Variants in NRG4 observed in about 807,000 individuals in gnomAD.
NRG4 encodes neuregulin 4.
NRG4 carries 10 observed loss-of-function variants against 15.0 expected under a neutral mutation model. The ratio of observed to expected loss-of-function variants is 0.67; its 90% confidence interval spans 0.41 to 1.13. The LOEUF (loss-of-function observed/expected upper bound fraction) is 1.13. Among genes scored for constraint, NRG4 ranks in the 50% most tolerant of loss-of-function variants. The pLI is 0.00. For missense variants in NRG4, 139 were observed against 140.2 expected (o/e 0.99, Z 0.04); for synonymous variants, 41 against 50.1 (o/e 0.82, Z 0.77).
chr15:75,993,392 T>TAAAAA (rs60453624), intron 3 of NRG4, among the ~76,000 whole-genome samples: 5 of 72,140 alleles, frequency 6.9e-5, no homozygotes, highest in African/African-American at 2.0e-4. Context: ...GAGGATTCTG[T>TAAAAA]AAAAAAAAAA....
chr15:75,938,306 A>G (rs187806823), downstream of NRG4: 77 of 152,322 alleles, frequency 5.1e-4, no homozygotes, highest in African/African-American at 1.8e-3. Flanking sequence ...AATGAACCAG[A>G]AAACCGTGGG....
chr15:75,941,785 C>T lies in NRG4; in HGVS notation c.*1853G>A, dbSNP rs901720874. 2.6e-5 allele frequency: 4 copies of T among 151,972 alleles called. No individual in the cohort carries two copies. Among genetic ancestry groups the T allele is most frequent in the Admixed American group, 2.0e-4 (3 of 15,260 alleles). The allele number at this position is 151,972 out of a possible 1,614,324, so 9.4% of individuals were successfully genotyped here. A position where few individuals can be genotyped will look rare whatever the true frequency, so the allele number is the denominator to read the frequency against. ...GAATGGGAATTTATTGTTTAAGGGGCACAGAGATTAGTGTGGGATCATGAA... is the reference window on the plus strand; with the variant it reads ...GAATGGGAATTTATTGTTTAAGGGGTACAGAGATTAGTGTGGGATCATGAA... On this transcript the variant is annotated 3_prime_UTR_variant, in exon 6 of 6. Coordinates refer to ENST00000394907, the MANE Select transcript of NRG4 (RefSeq NM_138573.4).
In NRG4 at chr15:76,000,240, T is replaced by G. The variant is rs139431911; in HGVS notation, c.104+8960A>C. On this transcript the variant is annotated intron_variant, in intron 3 of 5. Transcript: ENST00000394907. The stretch of plus-strand genomic sequence containing the variant: ...TTGAAGGGCTTTTAAAAAAAATTGA[T>G]AGATTTGACTGCAGTAAAACCAGAA... Among the ~76,000 whole-genome samples, 29 of 152,182 alleles carry G rather than the reference T, an allele frequency of 1.9e-4. 1 individual carries two copies. The East Asian group carries it at 3.1e-3, about 16-fold the overall frequency.
At chr15:75,988,255 G>T (rs560228669) in intron 3 of NRG4, among the ~76,000 whole-genome samples, 15 of 152,116 alleles carry the variant, frequency 9.9e-5, no homozygotes, top group African/African-American at 3.1e-4. Flanking sequence ...GCGCGATCTC[G>T]GCTCACTGCA....
At chr15:75,998,576 A>G (rs2034294904) in intron 3 of NRG4, among the ~76,000 whole-genome samples, 2 of 152,184 alleles carry the variant, frequency 1.3e-5, no homozygotes, top group South Asian at 4.1e-4. Context: ...GGTGAGAACA[A>G]TAATAGGGGC....
intron 3 of NRG4, among the ~76,000 whole-genome samples, chr15:76,005,989 T>C (rs1437515586): frequency 2.0e-5 from 3 of 152,132 alleles, no homozygotes; most frequent in Admixed American, 6.6e-5. Flanking sequence ...TATTATTTCA[T>C]GAGTGGTAGA....
intron 5 of NRG4, among the ~76,000 whole-genome samples, chr15:76,034,542 G>A (rs2035555696): frequency 6.6e-6 from 1 of 151,920 alleles, no homozygotes; most frequent in Non-Finnish European, 1.5e-5. Flanking sequence ...TTAGAGTGGT[G>A]GATATGACAA....
intron 4 of NRG4, among the ~76,000 whole-genome samples, chr15:76,045,586 A>C (rs1164373352): frequency 4.0e-5 from 6 of 151,118 alleles, no homozygotes; most frequent in African/African-American, 1.5e-4. Context: ...ATGGAGTACT[A>C]TTCAGCCATA....
At position 76,006,054 on chromosome 15, in the gene NRG4, G is replaced by T. The variant is rs1017432254; in HGVS notation, c.104+3146C>A. ...TTTTTTTTGTTTTAGCTGGACAGAT[G>T]ATGAGAATTAGCCTCCGGGAAAATT... On this transcript the variant is annotated intron_variant, in intron 3 of 5. Coordinates refer to ENST00000394907, the MANE Select transcript of NRG4 (RefSeq NM_138573.4). 2.7e-4 allele frequency among the ~76,000 whole-genome samples: 41 copies of T among 152,264 alleles called. 1 individual carries two copies. The highest frequency in any genetic ancestry group is 9.6e-4 in the African/African-American group (40 of 41,526).
chr15:75,969,636 C>T (rs2032998688), intron 3 of NRG4, among the ~76,000 whole-genome samples: 1 of 152,180 alleles, frequency 6.6e-6, no homozygotes, highest in Non-Finnish European at 1.5e-5. Context: ...TCACCATATC[C>T]TGCCATGTGT....
chr15:75,983,513 C>T (rs1262698843), intron 3 of NRG4, among the ~76,000 whole-genome samples: 1 of 151,974 alleles, frequency 6.6e-6, no homozygotes, highest in Non-Finnish European at 1.5e-5. Flanking sequence ...CACAATTAGA[C>T]AAGATACAGA....
intron 4 of NRG4, chr15:76,052,048 A>G (rs1321908306): frequency 6.6e-6 from 1 of 151,064 alleles, no homozygotes; most frequent in Non-Finnish European, 1.5e-5. Context: ...CCAAAACATT[A>G]AAAAGAATGA....
intron 5 of NRG4, among the ~76,000 whole-genome samples, chr15:76,035,142 G>A (rs931932261): frequency 6.6e-6 from 1 of 152,186 alleles, no homozygotes; most frequent in Non-Finnish European, 1.5e-5. Flanking sequence ...CAATGCCCCA[G>A]TCTCTTTCTG....
chr15:76,002,831 T>C lies in NRG4; in HGVS notation c.104+6369A>G, dbSNP rs532799506. 1.1e-4 allele frequency among the ~76,000 whole-genome samples: 16 copies of C among 152,194 alleles called. No individual in the cohort carries two copies. The South Asian group carries it at 1.9e-3, about 18-fold the overall frequency. The stretch of plus-strand genomic sequence containing the variant: ...ATAATTAACATAGCTTCAAAATATA[T>C]AAAGTAAAACTGGGGGAAGGAGAAG... On this transcript the variant is annotated intron_variant, in intron 3 of 5. Transcript: ENST00000394907.
intron 2 of NRG4, among the ~76,000 whole-genome samples, chr15:76,055,342 C>T (rs1308491234): frequency 1.3e-5 from 2 of 152,142 alleles, no homozygotes; most frequent in African/African-American, 4.8e-5. Flanking sequence ...TTAAAATTTA[C>T]ACTATGTTTC....
In NRG4 at chr15:75,943,636, C is replaced by T. The variant is rs1192284508; in HGVS notation, c.*2G>A. 7 of 1,571,228 alleles carry T rather than the reference C, an allele frequency of 4.5e-6. No individual in the cohort carries two copies. The highest frequency in any genetic ancestry group is 1.7e-5 in the Admixed American group (1 of 59,094). ...AATGATTTGGTTCACTTTGACGTTT[C>T]TTCAGTGTTGTTCATGACCTGTGAA... On this transcript the variant is annotated 3_prime_UTR_variant, in exon 6 of 6. Coordinates refer to ENST00000394907, the MANE Select transcript of NRG4 (RefSeq NM_138573.4).
chr15:75,998,202 A>G (rs750669400), intron 3 of NRG4, among the ~76,000 whole-genome samples: 4 of 152,222 alleles, frequency 2.6e-5, no homozygotes, highest in Non-Finnish European at 5.9e-5. Flanking sequence ...TGCACGGAAA[A>G]TCTCAGTGAA....
intron 5 of NRG4, among the ~76,000 whole-genome samples, chr15:76,028,124 GA>G (rs928617857): frequency 8.0e-5 from 12 of 150,894 alleles, no homozygotes; most frequent in East Asian, 2.0e-4. Flanking sequence ...AAAAAAATAA[GA>G]AAAAAATCAA....
chr15:75,980,819 C>G (rs773368846), intron 3 of NRG4, among the ~76,000 whole-genome samples: 1 of 150,776 alleles, frequency 6.6e-6, no homozygotes, highest in Non-Finnish European at 1.5e-5. Context: ...CACTAACATT[C>G]ATTAGCTCTG....
Sources: gnomAD v4.1 joint callset for allele counts (sites outside exome capture counted in the v4.1 genomes callset) on GRCh38, gnomAD v4.1.1 for gene constraint, MANE v1.5 for transcripts, NCBI Gene and HGNC (gene_info 2026-07-23, HGNC 2026-07-21) for gene names.